GALNTL6: variants seen among roughly 807,000 people sequenced by gnomAD.
GALNTL6 encodes the protein polypeptide N-acetylgalactosaminyltransferase-like 6.
GALNTL6 carries 46 observed loss-of-function variants against 73.7 expected under a neutral mutation model. That is an observed-to-expected ratio of 0.62 (90% confidence interval 0.49 to 0.80). GALNTL6 has a LOEUF of 0.80. GALNTL6 is among the 30% of genes least tolerant of loss of function. The pLI is 0.00. For synonymous variants in GALNTL6, 259 were observed against 263.7 expected (o/e 0.98, Z 0.17); for missense variants, 604 against 755.0 (o/e 0.80, Z 2.34).
chr4:171,843,409 C>G, intron 2 of GALNTL6, among the ~76,000 whole-genome samples: 1 of 152,014 alleles, frequency 6.6e-6, no homozygotes, highest in East Asian at 1.9e-4. Flanking sequence ...GATTGTTCAT[C>G]CATAAAAGAT....
chr4:172,095,935 T>C (rs866284254), intron 2 of GALNTL6, among the ~76,000 whole-genome samples: 2 of 152,040 alleles, frequency 1.3e-5, no homozygotes, highest in Non-Finnish European at 1.5e-5. Context: ...TGGGAAATTT[T>C]AGATTTTATA....
At chr4:172,053,805 T>A (rs1049498649) in intron 2 of GALNTL6, among the ~76,000 whole-genome samples, 1 of 152,154 alleles carries the variant, frequency 6.6e-6, no homozygotes, top group Admixed American at 6.6e-5. Flanking sequence ...TGGACCTTTT[T>A]TTTACATGAA....
At chr4:172,641,895 A>T (rs1739999070) in intron 5 of GALNTL6, among the ~76,000 whole-genome samples, 1 of 152,036 alleles carries the variant, frequency 6.6e-6, no homozygotes, top group Non-Finnish European at 1.5e-5. Context: ...AAAACAAATA[A>T]TGTGATTGAA....
intron 2 of GALNTL6, among the ~76,000 whole-genome samples, chr4:172,086,840 C>CA (rs1264987343): frequency 6.6e-6 from 1 of 152,136 alleles, no homozygotes; most frequent in Non-Finnish European, 1.5e-5. Flanking sequence ...ATTTACTTAA[C>CA]AAAATTTTGA....
intron 5 of GALNTL6, among the ~76,000 whole-genome samples, chr4:172,570,626 G>C (rs758357632): frequency 6.6e-6 from 1 of 152,130 alleles, no homozygotes; most frequent in African/African-American, 2.4e-5. Context: ...AACCTTTATG[G>C]CACCAGGGAG....
At chr4:172,251,688 C>T (rs970498156) in intron 3 of GALNTL6, among the ~76,000 whole-genome samples, 16 of 152,118 alleles carry the variant, frequency 1.1e-4, no homozygotes, top group African/African-American at 3.9e-4. Flanking sequence ...CAAGAAAGAA[C>T]AGGTGAACCT....
chr4:171,963,096 T>G (rs1259816676), intron 2 of GALNTL6, among the ~76,000 whole-genome samples: 1 of 150,360 alleles, frequency 6.7e-6, no homozygotes, highest in Non-Finnish European at 1.5e-5. Context: ...AAGAGAAACA[T>G]AATTGGTAAA....
At chr4:171,994,727 G>GA (rs11438346) in intron 2 of GALNTL6, among the ~76,000 whole-genome samples, 40,886 of 149,726 alleles carry the variant, frequency 0.27, 6,742 homozygotes, top group Non-Finnish European at 0.38. Flanking sequence ...TACAAAATAT[G>GA]AAAAAAAAAG....
chr4:172,470,912 A>G (rs1403672299), intron 5 of GALNTL6, among the ~76,000 whole-genome samples: 1 of 152,194 alleles, frequency 6.6e-6, no homozygotes, highest in Admixed American at 6.5e-5. Context: ...GGGATCCTCA[A>G]GTCCATCCCC....
At chr4:172,507,774 G>T (rs2110788485) in intron 5 of GALNTL6, among the ~76,000 whole-genome samples, 2 of 54,972 alleles carry the variant, frequency 3.6e-5, no homozygotes, top group African/African-American at 9.1e-5. Context: ...TGTCTGTCTT[G>T]TTCAGTATTA....
intron 2 of GALNTL6, among the ~76,000 whole-genome samples, chr4:171,877,128 A>G (rs1736301657): frequency 6.6e-6 from 1 of 152,156 alleles, no homozygotes; most frequent in African/African-American, 2.4e-5. Context: ...ATTCAGTATT[A>G]GTGTTCACAG....
At chr4:172,231,055 CCT>C (rs67478535) in intron 3 of GALNTL6, among the ~76,000 whole-genome samples, 87,797 of 151,682 alleles carry the variant, frequency 0.58, 25,715 homozygotes, top group East Asian at 0.86. Flanking sequence ...AAAGATGTTC[CCT>C]GTTTTCAGAG....
chr4:172,183,794 C>CG (rs1735332818), intron 2 of GALNTL6, among the ~76,000 whole-genome samples: 1 of 134,624 alleles, frequency 7.4e-6, no homozygotes, highest in Non-Finnish European at 1.6e-5. Context: ...CTGTTGAAGA[C>CG]TTTTTTTTTT....
chr4:172,665,765 TAAAC>T (rs1731627222), intron 5 of GALNTL6, among the ~76,000 whole-genome samples: 2 of 152,212 alleles, frequency 1.3e-5, no homozygotes, highest in African/African-American at 2.4e-5. Context: ...AATGAATAAA[TAAAC>T]TAATGTCATT....
intron 5 of GALNTL6, among the ~76,000 whole-genome samples, chr4:172,553,927 G>A (rs141754246): frequency 6.6e-6 from 1 of 152,162 alleles, no homozygotes; most frequent in Admixed American, 6.5e-5. Flanking sequence ...GCATGCACCT[G>A]TATGTAGCAG....
intron 5 of GALNTL6, among the ~76,000 whole-genome samples, chr4:172,499,195 A>G (rs1415880452): frequency 1.3e-5 from 2 of 152,190 alleles, no homozygotes; most frequent in Non-Finnish European, 2.9e-5. Flanking sequence ...TCATATGTTG[A>G]AGCTTCAATC....
chr4:172,012,641 G>A (rs1394900905), intron 2 of GALNTL6, among the ~76,000 whole-genome samples: 1 of 152,054 alleles, frequency 6.6e-6, no homozygotes, highest in Non-Finnish European at 1.5e-5. Context: ...CTCTGATGCT[G>A]CTCTTCTGGC....
chr4:172,775,708 T>C (rs1029294681), intron 5 of GALNTL6, among the ~76,000 whole-genome samples: 8 of 152,190 alleles, frequency 5.3e-5, no homozygotes, highest in Non-Finnish European at 1.0e-4. Flanking sequence ...TGAATGCAGG[T>C]AGAGCCTGTG....
At chr4:171,984,125 A>T (rs1739995583) in intron 2 of GALNTL6, among the ~76,000 whole-genome samples, 2 of 152,088 alleles carry the variant, frequency 1.3e-5, no homozygotes, top group South Asian at 4.1e-4. Context: ...TGTGGTTTTC[A>T]GGTGGTTGGA....
Sources: allele counts gnomAD v4.1 joint callset (sites outside exome capture counted in the v4.1 genomes callset), GRCh38; gene constraint gnomAD v4.1.1; transcripts MANE v1.5; gene names NCBI Gene and HGNC (gene_info 2026-07-23, HGNC 2026-07-21).